FHIT: variants seen among roughly 807,000 people sequenced by gnomAD.
FHIT encodes the protein fragile histidine triad diadenosine triphosphatase, also known as bis(5'-adenosyl)-triphosphatase.
Under a neutral mutation model 17.9 loss-of-function variants are expected in FHIT, and 19 were observed. The observed-to-expected ratio is 1.06, with a 90% CI of 0.74 to 1.56. FHIT has a LOEUF of 1.56. FHIT is among the 40% of genes most tolerant of loss of function. The pLI, the probability that FHIT is intolerant of heterozygous loss-of-function variation, is 0.00. For synonymous variants in FHIT, 81 were observed against 69.7 expected (o/e 1.16, Z -0.81); for missense variants, 248 against 189.2 (o/e 1.31, Z -1.82).
chr3:60,182,090 C>T (rs1701964514), intron 5 of FHIT, among the ~76,000 whole-genome samples: 1 of 152,184 alleles, frequency 6.6e-6, no homozygotes, highest in South Asian at 2.1e-4. Context: ...GAGATAACTT[C>T]TAGGCTGTTG....
chr3:60,308,496 G>GTGTATATA (rs1158561576), intron 5 of FHIT, among the ~76,000 whole-genome samples: 3 of 140,878 alleles, frequency 2.1e-5, no homozygotes, highest in Non-Finnish European at 4.6e-5. Context: ...AGGTGTATGT[G>GTGTATATA]TATATATATA....
At chr3:61,015,983 T>C in intron 3 of FHIT, among the ~76,000 whole-genome samples, 1 of 152,188 alleles carries the variant, frequency 6.6e-6, no homozygotes, top group Non-Finnish European at 1.5e-5. Flanking sequence ...TGCTAAAGTG[T>C]TCAACAACAT....
chr3:60,073,352 A>C (rs752670506), intron 5 of FHIT, among the ~76,000 whole-genome samples: 10 of 152,096 alleles, frequency 6.6e-5, no homozygotes, highest in Non-Finnish European at 1.5e-4. Context: ...TTGCCTTATC[A>C]TCTTACAAAA....
intron 8 of FHIT, among the ~76,000 whole-genome samples, chr3:59,855,705 T>C (rs946514870): frequency 6.6e-6 from 1 of 151,362 alleles, no homozygotes; most frequent in East Asian, 1.9e-4. Flanking sequence ...ATTGATGAAA[T>C]AGAAAAATAT....
intron 4 of FHIT, among the ~76,000 whole-genome samples, chr3:60,796,229 A>G (rs1553730281): frequency 1.3e-5 from 2 of 152,224 alleles, no homozygotes; most frequent in Non-Finnish European, 2.9e-5. Flanking sequence ...ATGGGGACAC[A>G]GCGAAACCAT....
chr3:60,767,821 T>C (rs1305759044), intron 4 of FHIT, among the ~76,000 whole-genome samples: 1 of 152,228 alleles, frequency 6.6e-6, no homozygotes, highest in Non-Finnish European at 1.5e-5. Flanking sequence ...ACCAGGTGAC[T>C]GTGTGGCCTG....
intron 2 of FHIT, among the ~76,000 whole-genome samples, chr3:61,188,993 A>C (rs993673448): frequency 6.6e-6 from 1 of 151,942 alleles, no homozygotes; most frequent in African/African-American, 2.4e-5. Flanking sequence ...ATGGGCAAAA[A>C]CTGGAAGCAT....
intron 5 of FHIT, among the ~76,000 whole-genome samples, chr3:60,272,156 G>A (rs1435832876): frequency 2.0e-5 from 3 of 152,272 alleles, no homozygotes; most frequent in South Asian, 4.2e-4. Context: ...ATGCTCTGCG[G>A]GACACAAAAC....
chr3:61,185,627 C>T (rs1216041055), intron 2 of FHIT, among the ~76,000 whole-genome samples: 3 of 152,282 alleles, frequency 2.0e-5, no homozygotes, highest in East Asian at 3.9e-4. Flanking sequence ...TGAGAGAACA[C>T]ACTGCAGCAG....
At chr3:60,272,651 A>G (rs1706918332) in intron 5 of FHIT, among the ~76,000 whole-genome samples, 1 of 152,204 alleles carries the variant, frequency 6.6e-6, no homozygotes, top group African/African-American at 2.4e-5. Flanking sequence ...ACCTCACTGA[A>G]TGGCCACTTC....
intron 7 of FHIT, among the ~76,000 whole-genome samples, chr3:59,968,778 G>T (rs1313109806): frequency 6.6e-6 from 1 of 152,178 alleles, no homozygotes; most frequent in Non-Finnish European, 1.5e-5. Flanking sequence ...GCTAAAACAC[G>T]CTCTGTGAAC....
At chr3:60,366,967 C>G (rs1233220001) in intron 5 of FHIT, among the ~76,000 whole-genome samples, 1 of 152,138 alleles carries the variant, frequency 6.6e-6, no homozygotes, top group East Asian at 1.9e-4. Flanking sequence ...AAATATCCAT[C>G]TGATAGATTC....
chr3:60,173,915 A>ATTT, intron 5 of FHIT, among the ~76,000 whole-genome samples: 1 of 66,444 alleles, frequency 1.5e-5, no homozygotes, highest in Admixed American at 2.1e-4. Context: ...ATATATATAT[A>ATTT]TGTTTTTTTT....
intron 3 of FHIT, among the ~76,000 whole-genome samples, chr3:61,026,580 C>G (rs1388153959): frequency 6.6e-6 from 1 of 152,200 alleles, no homozygotes; most frequent in Non-Finnish European, 1.5e-5. Flanking sequence ...ACAGGCTGCA[C>G]ACAGCTCAGG....
chr3:60,869,597 G>A (rs942421042), intron 3 of FHIT, among the ~76,000 whole-genome samples: 1 of 152,130 alleles, frequency 6.6e-6, no homozygotes, highest in African/African-American at 2.4e-5. Context: ...CTTGGATTCG[G>A]TGTCTAACTC....
At chr3:59,761,878 G>A (rs540206690) in intron 8 of FHIT, among the ~76,000 whole-genome samples, 1 of 152,254 alleles carries the variant, frequency 6.6e-6, no homozygotes, top group African/African-American at 2.4e-5. Flanking sequence ...TTGTAGGTGT[G>A]AGCCACCGCG....
At chr3:60,619,776 A>G (rs1173423987) in intron 4 of FHIT, among the ~76,000 whole-genome samples, 2 of 152,162 alleles carry the variant, frequency 1.3e-5, no homozygotes, top group African/African-American at 2.4e-5. Flanking sequence ...CTTTTTATAT[A>G]TAATACCAAA....
Position 60,324,117 on chromosome 3 carries a change from C to T in FHIT, c.103+212743G>A, listed in dbSNP as rs550187125. Reference sequence around the variant, plus strand: ...TTAGGATACACCAGGCATTCAAATACAAGTAAACTCAGTACTTAGAAGTAT... The same window carrying T: ...TTAGGATACACCAGGCATTCAAATATAAGTAAACTCAGTACTTAGAAGTAT... On this transcript the variant is annotated intron_variant, in intron 5 of 9. Coordinates refer to ENST00000492590, the MANE Select transcript of FHIT (RefSeq NM_002012.4). Among the ~76,000 whole-genome samples, 3 of 152,232 alleles carry T rather than the reference C, an allele frequency of 2.0e-5. No homozygotes were observed. The South Asian group carries it at 6.2e-4, about 32-fold the overall frequency.
At chr3:60,220,685 C>T (rs1252773891) in intron 5 of FHIT, among the ~76,000 whole-genome samples, 1 of 151,966 alleles carries the variant, frequency 6.6e-6, no homozygotes, top group Non-Finnish European at 1.5e-5. Context: ...TAAAGGAGGA[C>T]AAGAAAATAG....
Sources: allele counts gnomAD v4.1 joint callset (sites outside exome capture counted in the v4.1 genomes callset), GRCh38; gene constraint gnomAD v4.1.1; transcripts MANE v1.5; gene names NCBI Gene and HGNC (gene_info 2026-07-23, HGNC 2026-07-21).